NBAS: variants seen among roughly 807,000 people sequenced by gnomAD.
NBAS encodes the protein NBAS subunit of NRZ tethering complex, also known as NAG/BC035112 fusion.
NBAS carries 219 observed loss-of-function variants against 302.5 expected under a neutral mutation model. The observed-to-expected ratio is 0.72, with a 90% CI of 0.65 to 0.81. The LOEUF is 0.81. NBAS is among the 30% of genes least tolerant of loss of function. The pLI, the probability that NBAS is intolerant of heterozygous loss-of-function variation, is 0.00. For synonymous variants in NBAS, 1,118 were observed against 1,021.6 expected, an observed-to-expected ratio of 1.09 and a Z score of -1.80; for missense variants, 2,932 against 2,841.6, an observed-to-expected ratio of 1.03 and a Z score of -0.72.
At chr2:15,379,271 G>A (rs1450020915) in intron 30 of NBAS, among the ~76,000 whole-genome samples, 6 of 151,024 alleles carry the variant, frequency 4.0e-5, no homozygotes, top group African/African-American at 1.2e-4. Context: ...CTACATGAAC[G>A]AGACAGGCAT....
the NBAS span, among the ~76,000 whole-genome samples, chr2:15,073,555 C>T: frequency 2.0e-5 from 3 of 151,914 alleles, no homozygotes; most frequent in Non-Finnish European, 2.9e-5. Flanking sequence ...CTGTATCCCC[C>T]GCATCCTATC....
the NBAS span, among the ~76,000 whole-genome samples, chr2:14,905,858 C>T: frequency 3.5e-4 from 54 of 152,192 alleles, 1 homozygote; most frequent in African/African-American, 1.3e-3. Context: ...CCCAAGGAGG[C>T]TTGTACAATG....
rs559385113 is a variant in NBAS, at chr2:15,439,271, C to T, written c.2340-11477G>A. On this transcript the variant is annotated intron_variant, in intron 21 of 51. Transcript: ENST00000281513. ...GAGCTGAGACATCGCCACTGCACTC[C>T]GACCTGGGCCAAAGAGCAAGACTCG... Among the ~76,000 whole-genome samples, 19 of 149,084 alleles carry T rather than the reference C, an allele frequency of 1.3e-4. 1 individual carries two copies. In the South Asian group the frequency reaches 1.3e-3, roughly 10 times the overall value.
chr2:14,862,045 C>T, the NBAS span, among the ~76,000 whole-genome samples: 1 of 152,116 alleles, frequency 6.6e-6, no homozygotes, highest in African/African-American at 2.4e-5. Context: ...CAGATCAGGA[C>T]ACAACTCAAG....
chr2:15,553,546 T>G (rs1395859787), intron 4 of NBAS, 73 bp from the exon 5 acceptor site: 3 of 1,302,818 alleles, frequency 2.3e-6, no homozygotes, highest in Non-Finnish European at 3.3e-6. Context: ...ACAGATGGAA[T>G]TATTTAATAA....
chr2:15,481,876 C>A (rs960651846), intron 12 of NBAS, among the ~76,000 whole-genome samples: 3 of 152,148 alleles, frequency 2.0e-5, no homozygotes, highest in Admixed American at 1.3e-4. Context: ...ACTCCTCCCC[C>A]AAAGGAAGCT....
chr2:15,074,515 T>C, the NBAS span, among the ~76,000 whole-genome samples: 1 of 151,980 alleles, frequency 6.6e-6, no homozygotes, highest in Non-Finnish European at 1.5e-5. Flanking sequence ...AAGCAACTTA[T>C]ATAGACAAGA....
chr2:14,910,186 T>A, the NBAS span, among the ~76,000 whole-genome samples: 19 of 152,128 alleles, frequency 1.2e-4, no homozygotes, highest in Non-Finnish European at 2.8e-4. Flanking sequence ...AATGGCTTGA[T>A]TTAAAAGGTT....
chr2:15,488,363 A>G (rs1680720232), intron 12 of NBAS, among the ~76,000 whole-genome samples: 1 of 152,104 alleles, frequency 6.6e-6, no homozygotes, highest in Admixed American at 6.6e-5. Context: ...AACTAGTGCT[A>G]CTCTGTCACT....
At position 15,388,835 on chromosome 2, in the gene NBAS, T is replaced by C. The variant is rs527896861; in HGVS notation, c.3257+5392A>G. ...GAACAAACTAATGTTATACCAACAA[T>C]ACAGAGGAATCTCACAAACATAACG... On this transcript the variant is annotated intron_variant, in intron 28 of 51. Transcript: ENST00000281513. 7.9e-5 allele frequency among the ~76,000 whole-genome samples: 12 copies of C among 151,958 alleles called. No homozygotes were observed. The South Asian group carries it at 1.7e-3, about 21-fold the overall frequency.
At chr2:14,966,764 G>A in the NBAS span, among the ~76,000 whole-genome samples, 15 of 152,078 alleles carry the variant, frequency 9.9e-5, no homozygotes, top group South Asian at 2.1e-4. Flanking sequence ...CACTCTCGCC[G>A]TTTCTATTCA....
intron 11 of NBAS, among the ~76,000 whole-genome samples, chr2:15,494,901 T>C (rs1036396704): frequency 6.6e-6 from 1 of 152,202 alleles, no homozygotes; most frequent in African/African-American, 2.4e-5. Flanking sequence ...TTTTTTCATT[T>C]TGCTGAGGAG....
At chr2:14,821,398 C>G in the NBAS span, among the ~76,000 whole-genome samples, 1 of 152,204 alleles carries the variant, frequency 6.6e-6, no homozygotes, top group Non-Finnish European at 1.5e-5. Context: ...TCTTGCCTGA[C>G]TTCAATCTCT....
the NBAS span, among the ~76,000 whole-genome samples, chr2:14,946,790 A>G: frequency 2.0e-5 from 3 of 152,338 alleles, no homozygotes; most frequent in Non-Finnish European, 4.4e-5. Context: ...CCACAAAACA[A>G]GTCGGAACAA....
chr2:15,181,953 A>AGGG (rs1466338475), intron 50 of NBAS, among the ~76,000 whole-genome samples: 1 of 152,242 alleles, frequency 6.6e-6, no homozygotes, highest in Non-Finnish European at 1.5e-5. Context: ...GCTGCAAGGC[A>AGGG]GCTTGCAGTC....
At chr2:14,993,339 C>T in the NBAS span, among the ~76,000 whole-genome samples, 7 of 152,096 alleles carry the variant, frequency 4.6e-5, no homozygotes, top group Non-Finnish European at 1.5e-5. Context: ...ACATCCAAGA[C>T]AAATTGTTTC....
intron 38 of NBAS, among the ~76,000 whole-genome samples, chr2:15,322,921 GATT>G (rs1212304322): frequency 6.6e-6 from 1 of 151,958 alleles, no homozygotes; most frequent in Non-Finnish European, 1.5e-5. Context: ...AAATAAAAGA[GATT>G]ATTATTATTA....
the NBAS span, among the ~76,000 whole-genome samples, chr2:14,871,580 T>C: frequency 6.6e-6 from 1 of 151,878 alleles, no homozygotes; most frequent in African/African-American, 2.4e-5. Context: ...AAAGCAAACA[T>C]GATGACAAGA....
At chr2:15,391,069 C>T (rs1675573439) in intron 28 of NBAS, among the ~76,000 whole-genome samples, 1 of 151,706 alleles carries the variant, frequency 6.6e-6, no homozygotes, top group South Asian at 2.1e-4. Context: ...GAGATCGCAC[C>T]ACTGCACTCT....
Sources: gnomAD v4.1 joint callset for allele counts (sites outside exome capture counted in the v4.1 genomes callset) on GRCh38, gnomAD v4.1.1 for gene constraint, MANE v1.5 for transcripts, NCBI Gene and HGNC (gene_info 2026-07-23, HGNC 2026-07-21) for gene names.